The following C9 variants were observed in gnomAD, a reference collection of about 807,000 sequenced individuals.
C9 encodes complement component C9.
Under a neutral mutation model 65.4 loss-of-function variants are expected in C9, and 63 were observed. The observed-to-expected ratio is 0.96, with a 90% CI of 0.79 to 1.19. The LOEUF is 1.19. Among genes scored for constraint, C9 ranks in the 50% most tolerant of loss-of-function variants. The probability of loss-of-function intolerance (pLI) is 0.00; values close to 1 mark genes in which losing one functional copy is unlikely to be tolerated. For synonymous variants in C9, 229 were observed against 227.9 expected (o/e 1.00, Z -0.04); for missense variants, 744 against 670.1 (o/e 1.11, Z -1.22).
At chr5:39,338,918 G>A (rs1443969685) in intron 4 of C9, among the ~76,000 whole-genome samples, 1 of 152,142 alleles carries the variant, frequency 6.6e-6, no homozygotes, top group African/African-American at 2.4e-5. Context: ...TCAGCTAAAT[G>A]GGCCAATATT....
intron 1 of C9, among the ~76,000 whole-genome samples, chr5:39,361,327 C>A (rs938999509): frequency 1.3e-5 from 2 of 152,122 alleles, no homozygotes; most frequent in Non-Finnish European, 2.9e-5. Context: ...TTTATATATA[C>A]TTTACATATA....
chr5:39,341,740 C>A, intron 2 of C9, 40 bp from the exon 3 acceptor site: 1 of 1,597,136 alleles, frequency 6.3e-7, no homozygotes, highest in South Asian at 1.1e-5. Context: ...TTTCTAATGC[C>A]AAAAAAAGGG....
At chr5:39,332,710 T>G (rs998513181) in intron 4 of C9, among the ~76,000 whole-genome samples, 4 of 152,208 alleles carry the variant, frequency 2.6e-5, no homozygotes, top group Non-Finnish European at 4.4e-5. Context: ...AACTCTTCCA[T>G]TGCCCTAGGC....
At chr5:39,342,810 C>T (rs1258397477) in intron 1 of C9, among the ~76,000 whole-genome samples, 1 of 152,186 alleles carries the variant, frequency 6.6e-6, no homozygotes, top group East Asian at 1.9e-4. Flanking sequence ...TATTTTGGCA[C>T]TTATGCCTCC....
intron 1 of C9, among the ~76,000 whole-genome samples, chr5:39,342,777 T>C (rs1754113776): frequency 1.3e-5 from 2 of 152,154 alleles, no homozygotes; most frequent in African/African-American, 4.8e-5. Context: ...TTATTCCTGA[T>C]CTTTCTGAGT....
intron 5 of C9, among the ~76,000 whole-genome samples, chr5:39,324,253 A>G (rs933171847): frequency 1.3e-5 from 2 of 152,242 alleles, no homozygotes; most frequent in Non-Finnish European, 2.9e-5. Flanking sequence ...TATGATCTGC[A>G]GACTCAATGC....
intron 9 of C9, among the ~76,000 whole-genome samples, chr5:39,292,641 C>T (rs568455841): frequency 4.0e-4 from 60 of 151,406 alleles, no homozygotes; most frequent in African/African-American, 1.5e-3. Context: ...AATGTTGTCG[C>T]ATTGTAGTAT....
intron 4 of C9, among the ~76,000 whole-genome samples, chr5:39,337,568 A>G (rs1561348899): frequency 6.6e-6 from 1 of 152,270 alleles, no homozygotes; most frequent in Non-Finnish European, 1.5e-5. Flanking sequence ...TCACACCTGC[A>G]TCTAGAACCA....
chr5:39,336,817 A>G (rs555182165), intron 4 of C9, among the ~76,000 whole-genome samples: 25 of 152,130 alleles, frequency 1.6e-4, no homozygotes, highest in Non-Finnish European at 3.5e-4. Context: ...GTTATATACC[A>G]AAAAGAGATC....
At chr5:39,293,811 T>C (rs139434953) in intron 9 of C9, among the ~76,000 whole-genome samples, 59 of 151,938 alleles carry the variant, frequency 3.9e-4, no homozygotes, top group African/African-American at 1.4e-3. Context: ...TTAGAAAACA[T>C]AACAAGTCTC....
At chr5:39,330,022 C>T (rs1342642891) in intron 5 of C9, among the ~76,000 whole-genome samples, 1 of 152,150 alleles carries the variant, frequency 6.6e-6, no homozygotes, top group Non-Finnish European at 1.5e-5. Flanking sequence ...CTTAGCCAAC[C>T]CCTATTCAAC....
intron 9 of C9, among the ~76,000 whole-genome samples, chr5:39,293,857 C>T (rs2111847142): frequency 6.6e-6 from 1 of 151,822 alleles, no homozygotes; most frequent in East Asian, 1.9e-4. Flanking sequence ...TATTAAATAC[C>T]TTCTAAGACC....
chr5:39,285,463 G>T (rs773290245), intron 10 of C9, among the ~76,000 whole-genome samples: 5 of 152,116 alleles, frequency 3.3e-5, no homozygotes, highest in African/African-American at 1.2e-4. Context: ...AAAACAGAGG[G>T]AAAGTTCTCA....
At chr5:39,318,827 C>T (rs1753618566) in intron 5 of C9, among the ~76,000 whole-genome samples, 1 of 152,146 alleles carries the variant, frequency 6.6e-6, no homozygotes, top group South Asian at 2.1e-4. Flanking sequence ...AAGAAACTGC[C>T]TAGCATAACA....
intron 9 of C9, among the ~76,000 whole-genome samples, chr5:39,293,219 A>G (rs1406205207): frequency 6.6e-6 from 1 of 152,030 alleles, no homozygotes; most frequent in African/African-American, 2.4e-5. Flanking sequence ...ATCAATAATA[A>G]CCTTGAAGGT....
At chr5:39,352,251 A>C (rs573659250) in intron 1 of C9, among the ~76,000 whole-genome samples, 1 of 152,230 alleles carries the variant, frequency 6.6e-6, no homozygotes, top group Non-Finnish European at 1.5e-5. Flanking sequence ...GTCCTTCAAC[A>C]CATGGGAATT....
intron 9 of C9, among the ~76,000 whole-genome samples, chr5:39,291,164 A>G (rs965216551): frequency 2.6e-5 from 4 of 151,956 alleles, no homozygotes; most frequent in Admixed American, 1.3e-4. Context: ...ACTTCAAACA[A>G]TTATCAGACT....
chr5:39,339,860 C>T (rs1001972418), intron 4 of C9, among the ~76,000 whole-genome samples: 2 of 151,796 alleles, frequency 1.3e-5, no homozygotes, highest in Admixed American at 6.6e-5. Context: ...GGGTTTTCAC[C>T]GTGTTAGCCA....
At chr5:39,361,391 A>G (rs1754519869) in intron 1 of C9, among the ~76,000 whole-genome samples, 1 of 152,124 alleles carries the variant, frequency 6.6e-6, no homozygotes, top group African/African-American at 2.4e-5. Flanking sequence ...TACTCAATGT[A>G]TACCTTGTTT....
Sources: allele counts gnomAD v4.1 joint callset (sites outside exome capture counted in the v4.1 genomes callset), GRCh38; gene constraint gnomAD v4.1.1; transcripts MANE v1.5; gene names NCBI Gene and HGNC (gene_info 2026-07-23, HGNC 2026-07-21).